UNC80: variants seen among roughly 807,000 people sequenced by gnomAD.
UNC80 encodes the protein unc-80 subunit of NALCN channel complex.
Under a neutral mutation model 384.6 loss-of-function variants are expected in UNC80, and 164 were observed. That is an observed-to-expected ratio of 0.43 (90% confidence interval 0.38 to 0.49). The LOEUF (loss-of-function observed/expected upper bound fraction) is 0.49, where lower values mean the gene tolerates loss of function less well. Ranked by LOEUF, UNC80 falls within the 20% of genes least tolerant of loss-of-function variation. The pLI is 0.00. For missense variants in UNC80, 3,330 were observed against 4,143.0 expected (o/e 0.80, Z 5.39); for synonymous variants, 1,486 against 1,527.8 (o/e 0.97, Z 0.64).
At chr2:209,812,115 T>G (rs958291225) in intron 7 of UNC80, among the ~76,000 whole-genome samples, 2 of 152,164 alleles carry the variant, frequency 1.3e-5, no homozygotes, top group Non-Finnish European at 2.9e-5. Context: ...AGTGGCGCTA[T>G]CTCGGCTCAC....
chr2:209,955,069 A>C (rs1478315628), intron 48 of UNC80, among the ~76,000 whole-genome samples: 2 of 152,058 alleles, frequency 1.3e-5, no homozygotes, highest in Non-Finnish European at 2.9e-5. Context: ...TTCCCATCTA[A>C]ATTAGCTGCC....
At chr2:209,909,606 C>A (rs749892477) in intron 29 of UNC80, among the ~76,000 whole-genome samples, 36 of 152,122 alleles carry the variant, frequency 2.4e-4, no homozygotes, top group Non-Finnish European at 4.4e-4. Flanking sequence ...TCTTAATTCC[C>A]TAGGACAGGA....
chr2:209,971,317 CA>C (rs2092877964), intron 54 of UNC80, among the ~76,000 whole-genome samples: 1 of 152,054 alleles, frequency 6.6e-6, no homozygotes, highest in Non-Finnish European at 1.5e-5. Context: ...GAAAGAATTG[CA>C]ATATAAAATT....
chr2:209,844,491 C>T (rs1218027074), intron 21 of UNC80, among the ~76,000 whole-genome samples: 2 of 93,184 alleles, frequency 2.1e-5, no homozygotes, highest in Non-Finnish European at 4.2e-5. Context: ...TTCCTTCCTT[C>T]CTTCCTTCCT....
intron 24 of UNC80, among the ~76,000 whole-genome samples, chr2:209,879,086 T>C (rs1239495069): frequency 1.3e-5 from 2 of 152,184 alleles, no homozygotes; most frequent in Non-Finnish European, 2.9e-5. Flanking sequence ...TAAGACCTTA[T>C]CAAATCAGAG....
At position 209,973,282 on chromosome 2, in the gene UNC80, C is replaced by T. The variant is rs1203451287; in HGVS notation, c.8587+12C>T. 1.0e-6 allele frequency: 1 copy of T among 964,562 alleles called. No homozygotes were observed. 59.8% of individuals were successfully genotyped at this position (964,562 alleles called of 1,614,324 possible). A position where few individuals can be genotyped will look rare whatever the true frequency, so the allele number is the denominator to read the frequency against. On this transcript the variant is annotated intron_variant, in intron 56 of 64. Coordinates refer to ENST00000673920, the MANE Select transcript of UNC80 (RefSeq NM_001371986.1). ...AGCAGCATACTTGGGTTGGTACTTT[C>T]TCTCTCTCTCTCTCTGTTTGTGCAT...
At chr2:209,802,456 A>G (rs774629671) in intron 7 of UNC80, among the ~76,000 whole-genome samples, 8 of 152,178 alleles carry the variant, frequency 5.3e-5, no homozygotes, top group Non-Finnish European at 1.0e-4. Context: ...AAAAATTTGA[A>G]AGTTAAAAAT....
At chr2:209,982,067 C>A in intron 59 of UNC80, 112 bp from the exon 60 acceptor site, 1 of 1,016,948 alleles carries the variant, frequency 9.8e-7, no homozygotes, top group Non-Finnish European at 1.4e-6. Context: ...TAGATTTACA[C>A]ACAGCCCTAA....
At chr2:209,961,117 A>G (rs1373050815) in intron 51 of UNC80, 2 of 151,754 alleles carry the variant, frequency 1.3e-5, no homozygotes, top group African/African-American at 4.8e-5. Flanking sequence ...GAGAGAGACT[A>G]TGAGATAGTG....
At chr2:209,905,015 A>G in intron 29 of UNC80, 50 bp downstream of exon 29, 3 of 1,532,432 alleles carry the variant, frequency 2.0e-6, no homozygotes, top group Non-Finnish European at 2.7e-6. Flanking sequence ...ACATGATGTC[A>G]TAACAATTTC....
At chr2:209,935,194 C>T (rs1428702912) in intron 39 of UNC80, among the ~76,000 whole-genome samples, 2 of 152,148 alleles carry the variant, frequency 1.3e-5, no homozygotes, top group Non-Finnish European at 2.9e-5. Context: ...CTAACTCTTC[C>T]ACTAAATAAA....
At chr2:209,945,787 G>T in intron 46 of UNC80, 60 bp from the exon 47 acceptor site, 1 of 1,124,844 alleles carries the variant, frequency 8.9e-7, no homozygotes, top group South Asian at 1.3e-5. Flanking sequence ...AGTAATAGGT[G>T]CTTCTTTATC....
chr2:209,971,743 C>T (rs944795148), intron 54 of UNC80, among the ~76,000 whole-genome samples: 4 of 152,314 alleles, frequency 2.6e-5, no homozygotes, highest in East Asian at 1.9e-4. Flanking sequence ...TAATAACTTG[C>T]GTACAAAGAT....
intron 39 of UNC80, among the ~76,000 whole-genome samples, chr2:209,935,442 C>T (rs183454764): frequency 7.5e-4 from 114 of 151,964 alleles, no homozygotes; most frequent in Admixed American, 1.2e-3. Context: ...GACAACATGG[C>T]GAAACCTCGT....
Position 209,878,486 on chromosome 2 carries a change from A to C in UNC80, c.3976+397A>C, listed in dbSNP as rs146823056. 6.0e-3 allele frequency among the ~76,000 whole-genome samples: 921 copies of C among 152,344 alleles called. 12 individuals carry two copies. The highest frequency in any genetic ancestry group is 0.021 in the African/African-American group (868 of 41,586). ...TGCTCCAGGAAACAAAATCAGACCA[A>C]ATAAAATTGAATGTGAAATATTTTC... is the stretch of plus-strand genomic sequence containing the variant. On this transcript the variant is annotated intron_variant, in intron 24 of 64. Transcript: ENST00000673920.
At chr2:209,775,188 G>A (rs372714016) in intron 2 of UNC80, among the ~76,000 whole-genome samples, 5 of 152,092 alleles carry the variant, frequency 3.3e-5, no homozygotes, top group Admixed American at 1.3e-4. Context: ...TACTTGTTCC[G>A]GAGTGCTACA....
intron 47 of UNC80, 23 bp downstream of exon 47, chr2:209,945,966 T>C: frequency 6.8e-7 from 1 of 1,480,496 alleles, no homozygotes; most frequent in Non-Finnish European, 9.2e-7. Context: ...CTTTATTCTG[T>C]GCCTTGTGAT....
chr2:209,937,437 C>G (rs2091325060), intron 41 of UNC80, 92 bp from the exon 42 acceptor site: 2 of 933,970 alleles, frequency 2.1e-6, no homozygotes, highest in Non-Finnish European at 3.3e-6. Flanking sequence ...GGCATAGCAT[C>G]CTAGTGCTTA....
chr2:209,787,021 C>A (rs927347825), intron 5 of UNC80, among the ~76,000 whole-genome samples: 1,340 of 108,958 alleles, frequency 0.012, 25 homozygotes, highest in African/African-American at 0.047. Context: ...ATATATATAC[C>A]TATATATTTT....
Sources: gnomAD v4.1 joint callset for allele counts (sites outside exome capture counted in the v4.1 genomes callset) on GRCh38, gnomAD v4.1.1 for gene constraint, MANE v1.5 for transcripts, NCBI Gene and HGNC (gene_info 2026-07-23, HGNC 2026-07-21) for gene names.